Variants in ZHX3 observed in about 807,000 individuals in gnomAD.
ZHX3 encodes zinc fingers and homeoboxes 3.
Under a neutral mutation model 64.5 loss-of-function variants are expected in ZHX3, and 20 were observed. The observed-to-expected ratio is 0.31, with a 90% CI of 0.22 to 0.45. The LOEUF (loss-of-function observed/expected upper bound fraction) is 0.45, where lower values mean the gene tolerates loss of function less well. Among genes scored for constraint, ZHX3 ranks in the 20% least tolerant of loss-of-function variants. The probability of loss-of-function intolerance (pLI) is 1.00; values close to 1 mark genes in which losing one functional copy is unlikely to be tolerated. For missense variants in ZHX3, 1,041 were observed against 1,195.8 expected (o/e 0.87, Z 1.91); for synonymous variants, 423 against 461.6 (o/e 0.92, Z 1.07).
chr20:41,194,337 G>A (rs1231542214), intron 3 of ZHX3, among the ~76,000 whole-genome samples: 4 of 152,030 alleles, frequency 2.6e-5, no homozygotes, highest in African/African-American at 7.3e-5. Flanking sequence ...TTAGGATGAT[G>A]TGTTTTATTC....
At chr20:41,297,940 A>G (rs1006033813) in intron 1 of ZHX3, among the ~76,000 whole-genome samples, 4 of 152,220 alleles carry the variant, frequency 2.6e-5, no homozygotes, top group Non-Finnish European at 4.4e-5. Flanking sequence ...CCTAAGACTG[A>G]AGAACTCACA....
At chr20:41,297,821 A>G (rs1315183758) in intron 1 of ZHX3, among the ~76,000 whole-genome samples, 7 of 152,228 alleles carry the variant, frequency 4.6e-5, no homozygotes, top group African/African-American at 1.7e-4. Flanking sequence ...CCAGGTGTCC[A>G]AAGGCGAGTT....
At chr20:41,270,972 T>C (rs1348444373) in intron 1 of ZHX3, among the ~76,000 whole-genome samples, 1 of 152,020 alleles carries the variant, frequency 6.6e-6, no homozygotes, top group African/African-American at 2.4e-5. Context: ...AGGCCAGGAG[T>C]TCAAGACCAA....
intron 2 of ZHX3, among the ~76,000 whole-genome samples, chr20:41,208,687 T>C (rs959882753): frequency 6.6e-6 from 1 of 152,198 alleles, no homozygotes; most frequent in African/African-American, 2.4e-5. Context: ...TGATGGGACG[T>C]ATCTCAAAAT....
chr20:41,306,621 A>C (rs975027409), intron 1 of ZHX3, among the ~76,000 whole-genome samples: 12 of 152,374 alleles, frequency 7.9e-5, no homozygotes, highest in Non-Finnish European at 1.6e-4. Context: ...TTATTTGGTG[A>C]ATTACTGAAA....
intron 1 of ZHX3, among the ~76,000 whole-genome samples, chr20:41,281,615 A>C (rs2043680643): frequency 6.6e-6 from 1 of 152,228 alleles, no homozygotes; most frequent in Non-Finnish European, 1.5e-5. Context: ...CATAGATGGT[A>C]ATTAAATTTT....
intron 1 of ZHX3, among the ~76,000 whole-genome samples, chr20:41,285,933 A>T (rs893404456): frequency 2.0e-5 from 3 of 152,248 alleles, no homozygotes; most frequent in Non-Finnish European, 4.4e-5. Flanking sequence ...GTAAATGATC[A>T]ATAAATGCTA....
rs142340546 is a variant in ZHX3, at chr20:41,292,414, A to AT, written c.-244-23332dup. Reference sequence around the variant, plus strand: ...TTCTTTACTTTCTAACCAATGCTTAATAGTAATTTTTTTTTGAAATGACCA... The same window carrying AT: ...TTCTTTACTTTCTAACCAATGCTTAATTAGTAATTTTTTTTTGAAATGACCA... On this transcript the variant is annotated intron_variant, in intron 1 of 3. Coordinates refer to ENST00000683867, the MANE Select transcript of ZHX3 (RefSeq NM_001384317.1). Among the ~76,000 whole-genome samples the AT allele has an allele frequency of 9.4e-4, 143 of 152,320 alleles. 2 individuals are homozygous for AT. The highest frequency in any genetic ancestry group is 3.4e-3 in the African/African-American group (141 of 41,562).
At chr20:41,263,741 A>G (rs576760078) in intron 2 of ZHX3, among the ~76,000 whole-genome samples, 16 of 152,260 alleles carry the variant, frequency 1.1e-4, no homozygotes, top group African/African-American at 3.6e-4. Context: ...ATATTTTGAA[A>G]TTGAAAACCA....
intron 2 of ZHX3, among the ~76,000 whole-genome samples, chr20:41,260,510 G>C (rs1012291084): frequency 1.3e-5 from 2 of 152,118 alleles, no homozygotes; most frequent in African/African-American, 4.8e-5. Flanking sequence ...GTTCTTTGTT[G>C]AACTCCTTAA....
chr20:41,268,286 A>G (rs1031212799), intron 2 of ZHX3, among the ~76,000 whole-genome samples: 1 of 152,232 alleles, frequency 6.6e-6, no homozygotes, highest in Non-Finnish European at 1.5e-5. Flanking sequence ...ATGGAAAATA[A>G]TGTAAAAGAC....
chr20:41,235,214 C>CA (rs1224878465), intron 2 of ZHX3, among the ~76,000 whole-genome samples: 2 of 151,340 alleles, frequency 1.3e-5, no homozygotes, highest in South Asian at 2.1e-4. Context: ...AACAAACAAA[C>CA]AAAAAAACCG....
chr20:41,288,899 A>G (rs1461833458), intron 1 of ZHX3, among the ~76,000 whole-genome samples: 81 of 152,234 alleles, frequency 5.3e-4, no homozygotes, highest in Non-Finnish European at 2.9e-5. Context: ...GCAATTATTT[A>G]ATACTTAGAT....
At position 41,221,959 on chromosome 20, in the gene ZHX3, C is replaced by T. The variant is rs372412027; in HGVS notation, c.-150-16893G>A. 5.1e-4 allele frequency among the ~76,000 whole-genome samples: 77 copies of T among 152,338 alleles called. 1 individual carries two copies. Among genetic ancestry groups the T allele is most frequent in the East Asian group, 4.8e-3 (25 of 5,182 alleles). On this transcript the variant is annotated intron_variant, in intron 2 of 3. Coordinates refer to ENST00000683867, the MANE Select transcript of ZHX3 (RefSeq NM_001384317.1). Reference sequence around the variant, plus strand: ...GGCAGGGAGGGGATCCATGCAGGTCCACTGCCATGATCTGAGTCTCTCTGA... The same window carrying T: ...GGCAGGGAGGGGATCCATGCAGGTCTACTGCCATGATCTGAGTCTCTCTGA...
At chr20:41,233,559 T>C (rs141108586) in intron 2 of ZHX3, among the ~76,000 whole-genome samples, 92 of 152,332 alleles carry the variant, frequency 6.0e-4, no homozygotes, top group African/African-American at 2.1e-3. Context: ...GCAACTGGTA[T>C]GTCCTAGGTG....
intron 3 of ZHX3, among the ~76,000 whole-genome samples, chr20:41,189,613 C>A (rs1004973924): frequency 6.6e-6 from 1 of 151,938 alleles, no homozygotes; most frequent in Non-Finnish European, 1.5e-5. Context: ...AATCAGATTA[C>A]CTTCTTGATT....
chr20:41,315,176 A>G (rs887883048), intron 1 of ZHX3, among the ~76,000 whole-genome samples: 5 of 152,048 alleles, frequency 3.3e-5, no homozygotes, highest in Non-Finnish European at 5.9e-5. Flanking sequence ...AAAGGCACTG[A>G]GGCTGGAGTA....
At chr20:41,311,944 T>G (rs1004673454) in intron 1 of ZHX3, among the ~76,000 whole-genome samples, 3 of 152,252 alleles carry the variant, frequency 2.0e-5, no homozygotes, top group Non-Finnish European at 4.4e-5. Context: ...GTGCTAGGAC[T>G]GTACCATATA....
intron 1 of ZHX3, among the ~76,000 whole-genome samples, chr20:41,296,203 T>G (rs1171180617): frequency 4.8e-5 from 7 of 144,582 alleles, no homozygotes; most frequent in African/African-American, 1.8e-4. Flanking sequence ...TTTTTCCTCT[T>G]CTTTTCCCTT....
Sources: gnomAD v4.1 joint callset for allele counts (sites outside exome capture counted in the v4.1 genomes callset) on GRCh38, gnomAD v4.1.1 for gene constraint, MANE v1.5 for transcripts, NCBI Gene and HGNC (gene_info 2026-07-23, HGNC 2026-07-21) for gene names.